The following PSD3 variants were observed in gnomAD, a reference collection of about 807,000 sequenced individuals.
PSD3 encodes PH and SEC7 domain-containing protein 3.
Under a neutral mutation model 105.5 loss-of-function variants are expected in PSD3, and 49 were observed. That is an observed-to-expected ratio of 0.46 (90% CI 0.37 to 0.59). PSD3 has a LOEUF of 0.59. Ranked by LOEUF, PSD3 falls within the 20% of genes least tolerant of loss-of-function variation. The probability of loss-of-function intolerance (pLI) is 0.00; values close to 1 mark genes in which losing one functional copy is unlikely to be tolerated. For synonymous variants in PSD3, 557 were observed against 457.8 expected (o/e 1.22, Z -2.77); for missense variants, 1,561 against 1,263.8 (o/e 1.24, Z -3.57).
chr8:18,720,115 G>A (rs1802858141), intron 9 of PSD3, among the ~76,000 whole-genome samples: 1 of 152,064 alleles, frequency 6.6e-6, no homozygotes. Flanking sequence ...CAATGTATGG[G>A]AAACTCATAT....
chr8:18,763,020 C>A, intron 9 of PSD3: 1 of 731,452 alleles, frequency 1.4e-6, no homozygotes, highest in Non-Finnish European at 2.1e-6. Context: ...TCCAATCCCA[C>A]AACACCTAGT....
chr8:18,872,212 T>C lies in PSD3; in HGVS notation c.652A>G (p.Thr218Ala). The C allele has an allele frequency of 6.2e-7, 1 of 1,614,210 alleles. No individual in the cohort carries two copies. The highest frequency in any genetic ancestry group is 1.1e-5 in the South Asian group (1 of 91,078). The part of the protein sequence containing the change: ...SFYLSIQKDL[T>A]ALLTGDTQAE... Reference sequence around the variant, plus strand: ...TGAGTGTCTCCAGTTAACAGCGCGGTGAGATCTTTCTGGATGCTCAAATAA... The same window carrying C: ...TGAGTGTCTCCAGTTAACAGCGCGGCGAGATCTTTCTGGATGCTCAAATAA... Residue 218 changes from threonine (T) to alanine (A), a missense_variant, in exon 3 of 16, where the codon ACC becomes GCC. By Grantham distance (58) the Thr-to-Ala change is moderately conservative (BLOSUM62 0). Transcript: ENST00000327040.
intron 10 of PSD3, among the ~76,000 whole-genome samples, chr8:18,645,208 G>T (rs535441822): frequency 6.6e-6 from 1 of 152,156 alleles, no homozygotes; most frequent in African/African-American, 2.4e-5. Context: ...CATGAACTCT[G>T]GGGACATGCT....
Position 18,815,642 on chromosome 8 carries a change from A to G in PSD3, c.1635-10744T>C, listed in dbSNP as rs114189578. 7.7e-3 allele frequency among the ~76,000 whole-genome samples: 1,172 copies of G among 152,152 alleles called. 20 individuals carry two copies. Among genetic ancestry groups the G allele is most frequent in the African/African-American group, 0.027 (1,104 of 41,512 alleles). On this transcript the variant is annotated intron_variant, in intron 4 of 15. Coordinates refer to ENST00000327040, the MANE Select transcript of PSD3 (RefSeq NM_015310.4). ...TTCAAATTCTTACGACACCTTTTCCAGTGTCCTATAGCACAGGCGTTGCTG... is the reference window on the plus strand; with the variant it reads ...TTCAAATTCTTACGACACCTTTTCCGGTGTCCTATAGCACAGGCGTTGCTG...
intron 15 of PSD3, among the ~76,000 whole-genome samples, chr8:18,550,294 T>C (rs1001457712): frequency 1.3e-5 from 2 of 152,230 alleles, no homozygotes; most frequent in Non-Finnish European, 2.9e-5. Flanking sequence ...CAAAAGCAGC[T>C]GTTATCATTT....
upstream of PSD3, among the ~76,000 whole-genome samples, chr8:19,013,879 G>C (rs903604228): frequency 2.3e-4 from 35 of 150,466 alleles, no homozygotes; most frequent in Non-Finnish European, 2.8e-4. Flanking sequence ...CCTCGGGGAG[G>C]GGGGAGGTGG....
rs1190757380 is a variant in PSD3 at position 18,531,422 on chromosome 8, T to A, written c.*4321A>T. ...CCTTTGGATTTCAGTCCTTCCTTTA[T>A]GGATGAGAGATGGAAAAGGAATCTG... On this transcript the variant is annotated 3_prime_UTR_variant, in exon 16 of 16. Coordinates refer to ENST00000327040, the MANE Select transcript of PSD3 (RefSeq NM_015310.4). 1 of 152,494 alleles carries A rather than the reference T, an allele frequency of 6.6e-6. No homozygotes were observed. Among genetic ancestry groups the A allele is most frequent in the Non-Finnish European group, 1.5e-5 (1 of 68,044 alleles). 9.4% of individuals were successfully genotyped at this position (152,494 alleles called of 1,614,324 possible).
At chr8:18,709,634 G>A (rs1004292372) in intron 9 of PSD3, among the ~76,000 whole-genome samples, 10 of 152,196 alleles carry the variant, frequency 6.6e-5, no homozygotes, top group African/African-American at 9.6e-5. Context: ...AGTTCCCAGA[G>A]AAACAAACAG....
At chr8:18,716,947 C>G (rs1215774549) in intron 9 of PSD3, among the ~76,000 whole-genome samples, 1 of 152,170 alleles carries the variant, frequency 6.6e-6, no homozygotes, top group African/African-American at 2.4e-5. Context: ...GTAGCAGGCC[C>G]AAGCCTGGAC....
At chr8:18,905,454 G>T (rs537213351) in intron 2 of PSD3, among the ~76,000 whole-genome samples, 50 of 152,270 alleles carry the variant, frequency 3.3e-4, no homozygotes, top group African/African-American at 1.2e-3. Context: ...CACCTGAGTA[G>T]CTGGGACTAC....
intron 9 of PSD3, among the ~76,000 whole-genome samples, chr8:18,681,787 C>G (rs1800403202): frequency 1.3e-5 from 2 of 152,002 alleles, no homozygotes; most frequent in Non-Finnish European, 2.9e-5. Context: ...TTTTAAGCCA[C>G]TAGATAATCC....
At chr8:18,953,992 TCAAA>T (rs1439648938) in intron 1 of PSD3, among the ~76,000 whole-genome samples, 1 of 151,766 alleles carries the variant, frequency 6.6e-6, no homozygotes, top group Non-Finnish European at 1.5e-5. Flanking sequence ...ACTCAAGATA[TCAAA>T]CAGTGACACA....
intron 8 of PSD3, among the ~76,000 whole-genome samples, chr8:18,768,189 G>A (rs1807193745): frequency 6.6e-6 from 1 of 151,778 alleles, no homozygotes; most frequent in East Asian, 1.9e-4. Context: ...AGGGGGCTGA[G>A]GCAGAAGAAT....
chr8:18,991,375 C>CAT (rs879323225), intron 1 of PSD3, among the ~76,000 whole-genome samples: 10,578 of 147,700 alleles, frequency 0.072, 500 homozygotes, highest in Middle Eastern at 0.17. Flanking sequence ...CACACACATA[C>CAT]ACACACACAC....
chr8:18,611,957 T>C (rs1805299068), intron 11 of PSD3, among the ~76,000 whole-genome samples: 1 of 152,244 alleles, frequency 6.6e-6, no homozygotes, highest in Admixed American at 6.5e-5. Context: ...TTAATTTCCC[T>C]CTTACCTTTC....
At chr8:18,698,254 A>G (rs1601775) in intron 9 of PSD3, among the ~76,000 whole-genome samples, 151,083 of 152,248 alleles carry the variant, frequency 0.99, 74,974 homozygotes, top group Middle Eastern at 1. Flanking sequence ...ACATGCCACT[A>G]TGCCCACCTA....
At chr8:18,847,150 C>A (rs934240957) in intron 4 of PSD3, among the ~76,000 whole-genome samples, 1 of 152,174 alleles carries the variant, frequency 6.6e-6, no homozygotes, top group Non-Finnish European at 1.5e-5. Context: ...ATGCGAGAAA[C>A]CAGGCCCCTC....
chr8:18,838,821 A>AATAATC, intron 4 of PSD3, among the ~76,000 whole-genome samples: 1 of 135,626 alleles, frequency 7.4e-6, no homozygotes, highest in Non-Finnish European at 1.7e-5. Flanking sequence ...TAATAATAAT[A>AATAATC]ATAATAATAA....
chr8:19,078,120 T>G (rs1829518535), intron 1 of PSD3, among the ~76,000 whole-genome samples: 1 of 152,080 alleles, frequency 6.6e-6, no homozygotes, highest in African/African-American at 2.4e-5. Context: ...AGCCTCGAAC[T>G]CCCAGGCTCA....
Sources: allele counts gnomAD v4.1 joint callset (sites outside exome capture counted in the v4.1 genomes callset), GRCh38; gene constraint gnomAD v4.1.1; transcripts MANE v1.5; gene names NCBI Gene and HGNC (gene_info 2026-07-23, HGNC 2026-07-21).